MAF: variants seen among roughly 807,000 people sequenced by gnomAD.
MAF encodes transcription factor Maf.
A neutral mutation model predicts 22.0 loss-of-function variants in MAF; 10 were observed. The observed-to-expected ratio is 0.45, with a 90% CI of 0.28 to 0.77. The LOEUF (loss-of-function observed/expected upper bound fraction) is 0.77. Ranked by LOEUF, MAF falls within the 30% of genes least tolerant of loss-of-function variation. MAF has a pLI of 0.12. For synonymous variants in MAF, 337 were observed against 255.8 expected, an observed-to-expected ratio of 1.32 and a Z score of -3.03; for missense variants, 544 against 548.4, an observed-to-expected ratio of 0.99 and a Z score of 0.08.
the MAF span, among the ~76,000 whole-genome samples, chr16:79,429,232 C>T: frequency 2.0e-5 from 3 of 152,124 alleles, no homozygotes; most frequent in Non-Finnish European, 2.9e-5. Context: ...TATCTCTGGG[C>T]GAGTTCGTAT....
the MAF span, among the ~76,000 whole-genome samples, chr16:79,509,518 G>C: frequency 6.6e-6 from 1 of 151,432 alleles, no homozygotes; most frequent in Non-Finnish European, 1.5e-5. Context: ...GGCCCTGCTG[G>C]GGCTCTGAGA....
the MAF span, among the ~76,000 whole-genome samples, chr16:79,521,251 A>G: frequency 6.6e-6 from 1 of 152,244 alleles, no homozygotes; most frequent in African/African-American, 2.4e-5. Context: ...TAGAATCGCA[A>G]CATATCATTG....
At chr16:79,445,693 G>C in the MAF span, among the ~76,000 whole-genome samples, 6 of 152,218 alleles carry the variant, frequency 3.9e-5, no homozygotes, top group Non-Finnish European at 7.3e-5. Flanking sequence ...TTTGTCGACT[G>C]ATTGACAGCA....
chr16:79,487,155 G>A, the MAF span, among the ~76,000 whole-genome samples: 1 of 149,128 alleles, frequency 6.7e-6, no homozygotes, highest in Non-Finnish European at 1.5e-5. Context: ...TTCAGTTATA[G>A]AACCTCCAGA....
At chr16:79,545,714 A>G in the MAF span, among the ~76,000 whole-genome samples, 1 of 152,134 alleles carries the variant, frequency 6.6e-6, no homozygotes, top group Non-Finnish European at 1.5e-5. Context: ...CCATAGAAGC[A>G]GAGAGTAGTA....
the MAF span, among the ~76,000 whole-genome samples, chr16:79,342,696 G>A: frequency 4.1e-4 from 63 of 152,138 alleles, no homozygotes; most frequent in African/African-American, 1.5e-3. Context: ...AGCTAACAAT[G>A]AAATAGATAC....
downstream of MAF, among the ~76,000 whole-genome samples, chr16:79,582,045 T>A (rs563018496): frequency 9.2e-5 from 14 of 152,308 alleles, no homozygotes; most frequent in Middle Eastern, 3.4e-3. Context: ...TTTCCCACTG[T>A]CTTACTGTTG....
chr16:79,482,054 G>A, the MAF span, among the ~76,000 whole-genome samples: 1 of 152,162 alleles, frequency 6.6e-6, no homozygotes, highest in Non-Finnish European at 1.5e-5. Context: ...CAGGGGTTCG[G>A]GGGCAGGCAA....
chr16:79,465,001 A>T, the MAF span, among the ~76,000 whole-genome samples: 1 of 152,206 alleles, frequency 6.6e-6, no homozygotes, highest in Non-Finnish European at 1.5e-5. Flanking sequence ...GTCATTTTAG[A>T]TGAACTTCTA....
chr16:79,413,723 A>G, the MAF span, among the ~76,000 whole-genome samples: 2 of 152,330 alleles, frequency 1.3e-5, no homozygotes, highest in Non-Finnish European at 2.9e-5. Flanking sequence ...AACCCAGGAA[A>G]TACTCGAGTA....
chr16:79,473,613 C>G, the MAF span, among the ~76,000 whole-genome samples: 23 of 152,310 alleles, frequency 1.5e-4, no homozygotes, highest in African/African-American at 5.5e-4. Flanking sequence ...CAGCCTCTCT[C>G]CTGAGTTCAG....
At chr16:79,505,677 G>A in the MAF span, 1 of 152,274 alleles carries the variant, frequency 6.6e-6, no homozygotes, top group Non-Finnish European at 1.5e-5. Context: ...GGGCTGTTAA[G>A]TGTTGCCCAG....
chr16:79,540,642 C>T, the MAF span, among the ~76,000 whole-genome samples: 2 of 152,150 alleles, frequency 1.3e-5, no homozygotes, highest in South Asian at 2.1e-4. Flanking sequence ...GTCTGCTTCC[C>T]GGTGCATGCC....
chr16:79,452,916 C>T, the MAF span, among the ~76,000 whole-genome samples: 4 of 152,198 alleles, frequency 2.6e-5, no homozygotes, highest in South Asian at 2.1e-4. Context: ...GCCACTCAGG[C>T]GAGCTGCCTG....
chr16:79,568,910 G>T, the MAF span, among the ~76,000 whole-genome samples: 1 of 152,164 alleles, frequency 6.6e-6, no homozygotes, highest in Non-Finnish European at 1.5e-5. Flanking sequence ...TCAGAACACT[G>T]AGTCTGTTAC....
chr16:79,493,565 T>C, the MAF span, among the ~76,000 whole-genome samples: 1 of 152,170 alleles, frequency 6.6e-6, no homozygotes, highest in African/African-American at 2.4e-5. Context: ...TCTCCTGCCT[T>C]GGTCTCCCAA....
At chr16:79,537,190 T>C in the MAF span, among the ~76,000 whole-genome samples, 1 of 152,214 alleles carries the variant, frequency 6.6e-6, no homozygotes, top group Non-Finnish European at 1.5e-5. Context: ...TCAGTTCATA[T>C]CTGCTTTGAG....
the MAF span, among the ~76,000 whole-genome samples, chr16:79,462,793 T>C: frequency 2.0e-4 from 30 of 152,204 alleles, no homozygotes; most frequent in African/African-American, 7.0e-4. Context: ...TGCCAGGCAC[T>C]CTGCTAGGTG....
chr16:79,317,799 T>C, the MAF span, among the ~76,000 whole-genome samples: 1 of 152,196 alleles, frequency 6.6e-6, no homozygotes, highest in East Asian at 1.9e-4. Flanking sequence ...CATGACATCA[T>C]CTGCACTTCT....
Sources: gnomAD v4.1 joint callset for allele counts (sites outside exome capture counted in the v4.1 genomes callset) on GRCh38, gnomAD v4.1.1 for gene constraint, MANE v1.5 for transcripts, NCBI Gene and HGNC (gene_info 2026-07-23, HGNC 2026-07-21) for gene names.